The following GLS variants were observed in gnomAD, a reference collection of about 807,000 sequenced individuals.
GLS encodes glutaminase, also known as glutaminase kidney isoform, mitochondrial.
In GLS, 36 loss-of-function variants were observed where a neutral mutation model predicts 86.7. The ratio of observed to expected loss-of-function variants is 0.42; its 90% CI spans 0.32 to 0.55. GLS has a LOEUF of 0.55. GLS is among the 20% of genes least tolerant of loss of function. The probability of loss-of-function intolerance (pLI) is 0.17; values close to 1 mark genes in which losing one functional copy is unlikely to be tolerated. For synonymous variants in GLS, 317 were observed against 305.9 expected (o/e 1.04, Z -0.38); for missense variants, 528 against 833.4 (o/e 0.63, Z 4.51).
intron 17 of GLS, among the ~76,000 whole-genome samples, chr2:190,957,088 CCTTT>C (rs61494037): frequency 4.6e-5 from 7 of 151,934 alleles, no homozygotes; most frequent in East Asian, 3.9e-4. Flanking sequence ...TATTTGAATA[CCTTT>C]CTTTCTTTCT....
In GLS at chr2:190,914,430, A is replaced by C. The variant is rs1689458275; in HGVS notation, c.1038+4109A>C. 6.7e-6 allele frequency among the ~76,000 whole-genome samples: 1 copy of C among 150,116 alleles called. No homozygotes were observed. The highest frequency in any genetic ancestry group is 1.5e-5 in the Non-Finnish European group (1 of 67,462). ...TCTTGTTTATATCAGTTTATGCTTT[A>C]GTTTTTTTTTTTTAATGAAAGGTAG... On this transcript the variant is annotated intron_variant, in intron 7 of 17. Coordinates refer to ENST00000320717, the MANE Select transcript of GLS (RefSeq NM_014905.5). The surrounding 1 kb of genome is among the most constrained non-coding windows in gnomAD (Gnocchi z 4.4).
At chr2:190,890,829 T>G (rs1574561785) in intron 1 of GLS, among the ~76,000 whole-genome samples, 1 of 152,212 alleles carries the variant, frequency 6.6e-6, no homozygotes. Context: ...GAAAAGACAG[T>G]TTTTCATTGT....
At chr2:190,908,761 G>C (rs1385084800) in intron 6 of GLS, among the ~76,000 whole-genome samples, 3 of 152,226 alleles carry the variant, frequency 2.0e-5, no homozygotes, top group South Asian at 2.1e-4. Flanking sequence ...CGGATGTTCA[G>C]ATGTCTGGCT....
chr2:190,907,773 G>A (rs1353929572), intron 6 of GLS, among the ~76,000 whole-genome samples: 4 of 152,178 alleles, frequency 2.6e-5, no homozygotes, highest in African/African-American at 9.7e-5. Flanking sequence ...CAGCTCTGGA[G>A]GGTACATGGG....
chr2:190,894,229 T>C (rs1428143211), intron 1 of GLS, among the ~76,000 whole-genome samples: 1 of 152,232 alleles, frequency 6.6e-6, no homozygotes, highest in Non-Finnish European at 1.5e-5. Flanking sequence ...TGGCATAATA[T>C]TTGCCTATAA....
At chr2:190,915,420 C>T (rs1014556291) in intron 7 of GLS, among the ~76,000 whole-genome samples, 1 of 151,896 alleles carries the variant, frequency 6.6e-6, no homozygotes, top group Non-Finnish European at 1.5e-5. Flanking sequence ...ATATTTCTTC[C>T]AATTTGGTTT....
chr2:190,928,600 G>A (rs1001858325), intron 12 of GLS, among the ~76,000 whole-genome samples: 1 of 151,850 alleles, frequency 6.6e-6, no homozygotes, highest in Non-Finnish European at 1.5e-5. Flanking sequence ...CTCCCAAATT[G>A]CTGGGATTAC....
At chr2:190,901,820 C>G (rs990905567) in intron 4 of GLS, 127 bp from the exon 5 acceptor site, 3 of 645,608 alleles carry the variant, frequency 4.6e-6, no homozygotes, top group African/African-American at 1.8e-5. Flanking sequence ...GACTATGAAG[C>G]CACTGAGTGT....
intron 14 of GLS, chr2:190,934,870 GA>G (rs1690222748): frequency 4.1e-6 from 4 of 980,032 alleles, no homozygotes; most frequent in African/African-American, 3.5e-5. Context: ...AACGGAAGAA[GA>G]GATAAGATAC....
intron 14 of GLS, chr2:190,933,162 T>A (rs1237907717): frequency 1.2e-6 from 1 of 850,778 alleles, no homozygotes; most frequent in Non-Finnish European, 1.4e-6. Context: ...GGTCAGATAA[T>A]CCCATTTTAC....
At position 190,918,819 on chromosome 2, in the gene GLS, T is replaced by G. The variant is rs565288840; in HGVS notation, c.1039-2205T>G. Among the ~76,000 whole-genome samples the G allele has an allele frequency of 2.0e-5, 3 of 152,286 alleles. No homozygotes were observed. The South Asian group carries it at 6.2e-4, about 32-fold the overall frequency. On this transcript the variant is annotated intron_variant, in intron 7 of 17. Transcript: ENST00000320717. Reference sequence around the variant, plus strand: ...AGTAGGGTTATTAATTGGCCTGTTTTCAATATTGTTGTGTCTCAGGGAATA... The same window carrying G: ...AGTAGGGTTATTAATTGGCCTGTTTGCAATATTGTTGTGTCTCAGGGAATA...
chr2:190,953,950 ATGTGTGTGTGTGTGTGTGTGTGTGTG>A lies in GLS; in HGVS notation c.1712+345_1712+370del, dbSNP rs57991546. On this transcript the variant is annotated intron_variant, in intron 15 of 17. Coordinates refer to ENST00000320717, the MANE Select transcript of GLS (RefSeq NM_014905.5). The surrounding 1 kb of genome is among the most constrained non-coding windows in gnomAD (Gnocchi z 4.0). ...CTACCCTCCATTCCCAATCTTTGAT[ATGTGTGTGTGTGTGTGTGTGTGTGTG>A]TGTGTGTGTGTGTGTGTGTGAAGCA... Among the ~76,000 whole-genome samples, 1 of 136,682 alleles carries A rather than the reference ATGTGTGTGTGTGTGTGTGTGTGTGTG, an allele frequency of 7.3e-6. No individual in the cohort carries two copies. The highest frequency in any genetic ancestry group is 2.8e-5 in the African/African-American group (1 of 36,136). The allele number at this position is 136,682 out of a possible 152,430, so 89.7% of individuals were successfully genotyped here. A position where few individuals can be genotyped will look rare whatever the true frequency, so the allele number is the denominator to read the frequency against.
chr2:190,906,931 GTTT>G (rs1347731167), intron 6 of GLS, among the ~76,000 whole-genome samples: 2 of 140,020 alleles, frequency 1.4e-5, no homozygotes, highest in Admixed American at 7.2e-5. Context: ...AATTGTAGTA[GTTT>G]TTTTTTTTTT....
chr2:190,912,346 C>CTTTTTTTTTTTTTTTTTTTTT (rs34419675), intron 7 of GLS, among the ~76,000 whole-genome samples: 1 of 122,518 alleles, frequency 8.2e-6, no homozygotes. Context: ...TTCACAAGTG[C>CTTTTTTTTTTTTTTTTTTTTT]TTTTTTTTTT....
chr2:190,892,674 G>T (rs1339352950), intron 1 of GLS, among the ~76,000 whole-genome samples: 1 of 152,110 alleles, frequency 6.6e-6, no homozygotes, highest in Non-Finnish European at 1.5e-5. Context: ...AGTTTGAGGA[G>T]AATATTTGAG....
chr2:190,915,295 C>T (rs1316689027), intron 7 of GLS, among the ~76,000 whole-genome samples: 3 of 151,926 alleles, frequency 2.0e-5, no homozygotes, highest in South Asian at 2.1e-4. Context: ...CCACCGCGCC[C>T]GGCCTAAATT....
At chr2:190,908,079 T>C (rs1051450876) in intron 6 of GLS, among the ~76,000 whole-genome samples, 1 of 152,128 alleles carries the variant, frequency 6.6e-6, no homozygotes, top group Non-Finnish European at 1.5e-5. Flanking sequence ...CCATCCTCAA[T>C]GGGCACTGCA....
intron 1 of GLS, among the ~76,000 whole-genome samples, chr2:190,886,916 C>A (rs1371676670): frequency 1.9e-4 from 22 of 118,360 alleles, no homozygotes; most frequent in African/African-American, 4.4e-4. Context: ...ACTCTTGTCT[C>A]AAAAAAAAAA....
rs1691030722 is a variant in GLS, at chr2:190,962,638, C to G, written c.1854-192C>G. On this transcript the variant is annotated intron_variant, in intron 17 of 17. Transcript: ENST00000320717. This position sits in a 1 kb window ranked among gnomAD's most constrained non-coding sequence, Gnocchi z 4.2. ...TCTTTTTCTCTTCCTCTCCATATCC[C>G]AACTTGTCTTGGAGACTACTTTTTG... is the stretch of plus-strand genomic sequence containing the variant. 2.0e-5 allele frequency among the ~76,000 whole-genome samples: 3 copies of G among 152,176 alleles called. No individual in the cohort carries two copies. The highest frequency in any genetic ancestry group is 7.2e-5 in the African/African-American group (3 of 41,446).
Sources: allele counts gnomAD v4.1 joint callset (sites outside exome capture counted in the v4.1 genomes callset), GRCh38; gene constraint gnomAD v4.1.1; non-coding constraint Gnocchi (gnomAD v3.1); transcripts MANE v1.5; gene names NCBI Gene and HGNC (gene_info 2026-07-23, HGNC 2026-07-21).